Variants in NEDD9 observed in about 807,000 individuals in gnomAD.
The protein encoded by NEDD9 is enhancer of filamentation 1.
A neutral mutation model predicts 76.6 loss-of-function variants in NEDD9; 26 were observed. That is an observed-to-expected ratio of 0.34 (90% CI 0.25 to 0.47). The LOEUF (loss-of-function observed/expected upper bound fraction) is 0.47. NEDD9 is among the 20% of genes least tolerant of loss of function. The pLI is 1.00. For synonymous variants in NEDD9, 392 were observed against 414.2 expected, an observed-to-expected ratio of 0.95 and a Z score of 0.65; for missense variants, 937 against 1,058.5, an observed-to-expected ratio of 0.89 and a Z score of 1.59.
Position 11,198,036 on chromosome 6 carries a change from C to A in NEDD9, c.460-4344G>T, listed in dbSNP as rs1007463777. ...GTCCTATACTCAGATGCTCACGGAC[C>A]GAGCAAGCAGGGTGTAGGGAAGAAA... On this transcript the variant is annotated intron_variant, in intron 2 of 6. Transcript: ENST00000379446. The surrounding 1 kb of genome is among the most constrained non-coding windows in gnomAD (Gnocchi z 4.7). Among the ~76,000 whole-genome samples, 1 of 152,060 alleles carries A rather than the reference C, an allele frequency of 6.6e-6. No homozygotes were observed. The highest frequency in any genetic ancestry group is 1.5e-5 in the Non-Finnish European group (1 of 68,024).
chr6:11,196,724 C>A (rs779490265), intron 2 of NEDD9, among the ~76,000 whole-genome samples: 3 of 152,098 alleles, frequency 2.0e-5, no homozygotes, highest in Admixed American at 1.3e-4. Flanking sequence ...TTCCAGCCTT[C>A]CTGACATTAC....
At chr6:11,207,254 T>C (rs932066927) in intron 2 of NEDD9, among the ~76,000 whole-genome samples, 2 of 152,260 alleles carry the variant, frequency 1.3e-5, no homozygotes, top group Admixed American at 1.3e-4. Context: ...GGCTAGTATC[T>C]GAGTGTCGCT....
At chr6:11,291,448 G>T (rs1440081932) in intron 3 of NEDD9, among the ~76,000 whole-genome samples, 5 of 151,872 alleles carry the variant, frequency 3.3e-5, no homozygotes, top group Non-Finnish European at 7.4e-5. Flanking sequence ...CTAATTTTTT[G>T]TATTTTTAGT....
At chr6:11,257,775 CTGTGTGTGTGTGTGTG>C (rs3067253) in intron 3 of NEDD9, among the ~76,000 whole-genome samples, 1 of 142,966 alleles carries the variant, frequency 7.0e-6, no homozygotes, top group African/African-American at 2.7e-5. Flanking sequence ...AATGTAGATT[CTGTGTGTGTGTGTGTG>C]TGTGTGTGTG....
chr6:11,200,186 G>T, intron 2 of NEDD9: 1 of 406,998 alleles, frequency 2.5e-6, no homozygotes, highest in Non-Finnish European at 5.0e-6. Context: ...GGCTCACCAA[G>T]GCAGGGACCC....
At chr6:11,314,702 C>A (rs1402037174) in intron 2 of NEDD9, among the ~76,000 whole-genome samples, 1 of 152,144 alleles carries the variant, frequency 6.6e-6, no homozygotes, top group African/African-American at 2.4e-5. Context: ...TTCTGTAACT[C>A]CCATTCAACC....
At chr6:11,242,975 A>AC (rs61507626) in intron 3 of NEDD9, among the ~76,000 whole-genome samples, 76,181 of 151,918 alleles carry the variant, frequency 0.5, 20,164 homozygotes, top group East Asian at 0.77. Flanking sequence ...AATACATATC[A>AC]CTCAGGCCAA....
chr6:11,337,413 A>C (rs977725385), intron 1 of NEDD9, among the ~76,000 whole-genome samples: 5 of 152,224 alleles, frequency 3.3e-5, no homozygotes, highest in Admixed American at 2.0e-4. Context: ...GACTGTACAC[A>C]ATTATATGTT....
rs1441498792 is a variant in NEDD9, at chr6:11,191,091, C to T, written c.778G>A (p.Val260Ile). Residue 260 changes from valine to isoleucine, a missense_variant, in exon 5 of 7, where the codon GTT becomes ATT. Transcript: ENST00000379446. ...GTGCAGGTTGGAGGAATGTCATAAA[C>T]CCCCTCCGGTCTGAGGTCCGGCCTT... Reference protein sequence around the residue: ...AGRPDLRPEGVYDIPPTCTKP... With the variant: ...AGRPDLRPEGIYDIPPTCTKP... 6.2e-7 allele frequency: 1 copy of T among 1,613,972 alleles called. No individual in the cohort carries two copies. Among genetic ancestry groups the T allele is most frequent in the Non-Finnish European group, 8.5e-7 (1 of 1,180,020 alleles).
At chr6:11,350,864 G>A (rs1762455157) in intron 1 of NEDD9, among the ~76,000 whole-genome samples, 1 of 152,148 alleles carries the variant, frequency 6.6e-6, no homozygotes, top group Non-Finnish European at 1.5e-5. Context: ...TGTCAACCAG[G>A]GTCGGGGGGT....
chr6:11,374,060 CTCTCTCTA>C (rs1561851303), intron 1 of NEDD9, among the ~76,000 whole-genome samples: 1 of 151,436 alleles, frequency 6.6e-6, no homozygotes, highest in East Asian at 1.9e-4. Flanking sequence ...CTCTCTCTCT[CTCTCTCTA>C]TATATATATG....
intron 2 of NEDD9, chr6:11,200,913 AC>A: frequency 6.2e-7 from 1 of 1,611,234 alleles, no homozygotes. Context: ...CAAGAGAAAG[AC>A]GGCAAGCCTC....
chr6:11,214,217 G>A (rs777528481), intron 1 of NEDD9: 1 of 518,300 alleles, frequency 1.9e-6, no homozygotes, highest in South Asian at 1.4e-5. Context: ...GAGTTGAAAA[G>A]CCAATAGAAG....
chr6:11,332,459 GC>G (rs1762062093), intron 2 of NEDD9, among the ~76,000 whole-genome samples: 1 of 152,088 alleles, frequency 6.6e-6, no homozygotes, highest in Non-Finnish European at 1.5e-5. Context: ...CTCATCTCTC[GC>G]CTCACATTGC....
intron 3 of NEDD9, among the ~76,000 whole-genome samples, chr6:11,259,979 G>C (rs1298187483): frequency 4.8e-5 from 3 of 62,994 alleles, no homozygotes; most frequent in East Asian, 6.9e-4. Flanking sequence ...CCCCACCACA[G>C]AAACAAAGAT....
At chr6:11,366,936 T>C (rs1362398126) in intron 1 of NEDD9, among the ~76,000 whole-genome samples, 1 of 152,228 alleles carries the variant, frequency 6.6e-6, no homozygotes, top group Admixed American at 6.5e-5. Context: ...TAAAATAATA[T>C]CTAAATCTTG....
chr6:11,336,959 A>T, intron 1 of NEDD9, among the ~76,000 whole-genome samples: 1 of 152,038 alleles, frequency 6.6e-6, no homozygotes, highest in East Asian at 1.9e-4. Flanking sequence ...GGTGGCTCAC[A>T]CCTGTAATCT....
chr6:11,279,578 C>T (rs529124663), intron 3 of NEDD9, among the ~76,000 whole-genome samples: 1 of 152,312 alleles, frequency 6.6e-6, no homozygotes, highest in South Asian at 2.1e-4. Flanking sequence ...GAAGACCAAA[C>T]AACTTTTATT....
intron 1 of NEDD9, among the ~76,000 whole-genome samples, chr6:11,215,690 T>A (rs1299282895): frequency 6.6e-6 from 1 of 152,206 alleles, no homozygotes; most frequent in East Asian, 1.9e-4. Flanking sequence ...TGTCTGTCCC[T>A]TTCTTCTGGG....
Sources: allele counts gnomAD v4.1 joint callset (sites outside exome capture counted in the v4.1 genomes callset), GRCh38; gene constraint gnomAD v4.1.1; non-coding constraint Gnocchi (gnomAD v3.1); transcripts MANE v1.5; gene names NCBI Gene and HGNC (gene_info 2026-07-23, HGNC 2026-07-21).